Variants in KCNQ1 observed in about 807,000 individuals in gnomAD.
KCNQ1 encodes the protein potassium voltage-gated channel subfamily KQT member 1.
A neutral mutation model predicts 72.4 loss-of-function variants in KCNQ1; 49 were observed. The ratio of observed to expected loss-of-function variants is 0.68; its 90% CI spans 0.54 to 0.86. The LOEUF is 0.86. Ranked by LOEUF, KCNQ1 falls within the 40% of genes least tolerant of loss-of-function variation. KCNQ1 has a pLI of 0.00. For missense variants in KCNQ1, 790 were observed against 945.1 expected, an observed-to-expected ratio of 0.84 and a Z score of 2.15; for synonymous variants, 450 against 412.6, an observed-to-expected ratio of 1.09 and a Z score of -1.10.
chr11:2,772,086 G>C lies in KCNQ1; in HGVS notation c.1590+3167G>C, dbSNP rs1463500856. Among the ~76,000 whole-genome samples the C allele has an allele frequency of 6.6e-6, 1 of 152,194 alleles. No homozygotes were observed. The highest frequency in any genetic ancestry group is 1.5e-5 in the Non-Finnish European group (1 of 68,016). On this transcript the variant is annotated intron_variant, in intron 12 of 15. Coordinates refer to ENST00000155840, the MANE Select transcript of KCNQ1 (RefSeq NM_000218.3). This position sits in a 1 kb window ranked among gnomAD's most constrained non-coding sequence, Gnocchi z 6.6. ...CCGACCTCACCAGCTGGCTCTTATT[G>C]CTGGGAGCAGCATGGAGGGGTGGGG...
intron 1 of KCNQ1, among the ~76,000 whole-genome samples, chr11:2,505,667 A>T (rs191043592): frequency 6.6e-6 from 1 of 152,314 alleles, no homozygotes; most frequent in East Asian, 1.9e-4. Context: ...ATAAATGTTT[A>T]TAATGGTTAT....
At chr11:2,496,495 CTTTTTTTTT>C in intron 1 of KCNQ1, among the ~76,000 whole-genome samples, 12 of 29,830 alleles carry the variant, frequency 4.0e-4, no homozygotes, top group East Asian at 2.9e-3. Context: ...ACAACCCCTG[CTTTTTTTTT>C]TTTTTTTTTT....
At chr11:2,545,796 A>G (rs1041805080) in intron 2 of KCNQ1, among the ~76,000 whole-genome samples, 11 of 152,162 alleles carry the variant, frequency 7.2e-5, no homozygotes, top group Non-Finnish European at 2.9e-5. Context: ...TGTTAATTGT[A>G]TTGGCATAAA....
intron 2 of KCNQ1, among the ~76,000 whole-genome samples, chr11:2,548,774 G>T (rs1035390168): frequency 4.6e-5 from 7 of 152,202 alleles, no homozygotes; most frequent in African/African-American, 1.7e-4. Flanking sequence ...TGGCCTGGGG[G>T]TGCTTAGGCT....
chr11:2,760,020 C>A (rs1846364486), intron 11 of KCNQ1, among the ~76,000 whole-genome samples: 1 of 152,228 alleles, frequency 6.6e-6, no homozygotes, highest in Non-Finnish European at 1.5e-5. Context: ...CATGGGCAGC[C>A]CAGTCCGGGA....
At chr11:2,749,706 A>G (rs1846196183) in intron 11 of KCNQ1, among the ~76,000 whole-genome samples, 1 of 151,498 alleles carries the variant, frequency 6.6e-6, no homozygotes, top group South Asian at 2.1e-4. Flanking sequence ...CCAGCTACTC[A>G]GGAGGCTGAG....
intron 15 of KCNQ1, among the ~76,000 whole-genome samples, chr11:2,801,854 C>G (rs1490589975): frequency 6.6e-6 from 1 of 152,222 alleles, no homozygotes. Context: ...CCAGCAGTGA[C>G]AGGGATGGTG....
intron 15 of KCNQ1, among the ~76,000 whole-genome samples, chr11:2,811,103 T>A (rs1847477300): frequency 6.6e-6 from 1 of 152,078 alleles, no homozygotes; most frequent in Non-Finnish European, 1.5e-5. Context: ...GACCCTAGCG[T>A]CCCTTCACCC....
In KCNQ1 at chr11:2,752,452, G is replaced by T. The variant is rs1846241547; in HGVS notation, c.1515-16392G>T. On this transcript the variant is annotated intron_variant, in intron 11 of 15. Transcript: ENST00000155840. The surrounding 1 kb of genome is among the most constrained non-coding windows in gnomAD (Gnocchi z 5.2). ...CCTAGTGTCTTAATCTGTTCAGTCT[G>T]CTATAACCAAATACCTTAGACCTGG... Among the ~76,000 whole-genome samples, 1 of 152,108 alleles carries T rather than the reference G, an allele frequency of 6.6e-6. No homozygotes were observed. Among genetic ancestry groups the T allele is most frequent in the South Asian group, 2.1e-4 (1 of 4,816 alleles).
At chr11:2,648,052 A>G (rs1590003689) in intron 10 of KCNQ1, 1 of 95,852 alleles carries the variant, frequency 1.0e-5, no homozygotes, top group African/African-American at 4.8e-5. Context: ...CATCTCTACC[A>G]AAAAAAAAAA....
At chr11:2,523,183 TTTTAA>T (rs150878926) in intron 1 of KCNQ1, among the ~76,000 whole-genome samples, 7,513 of 151,912 alleles carry the variant, frequency 0.049, 223 homozygotes, top group Middle Eastern at 0.088. Flanking sequence ...CTGCTTTCTT[TTTTAA>T]TTTAATTTAA....
chr11:2,584,504 AGTGT>A lies in KCNQ1; in HGVS notation c.1033-701_1033-698del, dbSNP rs747562425. On this transcript the variant is annotated intron_variant, in intron 7 of 15. Transcript: ENST00000155840. ...GTTAGTGTGTGTTAGTATGTGGGTT[AGTGT>A]GTGTGTTTGTGTGTTAGTGTGTGTG... Among the ~76,000 whole-genome samples the A allele has an allele frequency of 2.2e-5, 3 of 133,962 alleles. No individual in the cohort carries two copies. In the East Asian group the frequency reaches 6.8e-4, roughly 30 times the overall value. The allele number at this position is 133,962 out of a possible 152,430, so 87.9% of individuals were successfully genotyped here.
chr11:2,484,232 C>T lies in KCNQ1; in HGVS notation c.386+38748C>T, dbSNP rs1846698110. 6.6e-6 allele frequency among the ~76,000 whole-genome samples: 1 copy of T among 152,106 alleles called. No homozygotes were observed. Among genetic ancestry groups the T allele is most frequent in the Non-Finnish European group, 1.5e-5 (1 of 68,010 alleles). ...AGGCTGGAGTGCAGTGGCATGATCT[C>T]GGCTCACTGAAACCTCTGCCTCCGG... On this transcript the variant is annotated intron_variant, in intron 1 of 15. Coordinates refer to ENST00000155840, the MANE Select transcript of KCNQ1 (RefSeq NM_000218.3). The surrounding 1 kb of genome is among the most constrained non-coding windows in gnomAD (Gnocchi z 5.2).
At position 2,670,297 on chromosome 11, in the gene KCNQ1, C is replaced by T. The variant is rs575710919; in HGVS notation, c.1514+8216C>T. The T allele has an allele frequency of 2.8e-4, 110 of 398,432 alleles. 1 individual carries two copies. In the South Asian group the frequency reaches 0.013, roughly 48 times the overall value. The allele number at this position is 398,432 out of a possible 1,614,324, so 24.7% of individuals were successfully genotyped here. Reference sequence around the variant, plus strand: ...TTGTCTCTAGGCAACCCATAGGTGCCCAATGGAGAGATAATCTCAAATATG... The same window carrying T: ...TTGTCTCTAGGCAACCCATAGGTGCTCAATGGAGAGATAATCTCAAATATG... On this transcript the variant is annotated intron_variant, in intron 11 of 15. Transcript: ENST00000155840. The surrounding 1 kb of genome is among the most constrained non-coding windows in gnomAD (Gnocchi z 4.9).
At chr11:2,513,690 C>T (rs777522796) in intron 1 of KCNQ1, among the ~76,000 whole-genome samples, 3 of 152,194 alleles carry the variant, frequency 2.0e-5, no homozygotes, top group Non-Finnish European at 2.9e-5. Flanking sequence ...TCTCTGCCTC[C>T]GCACCGGCCT....
In KCNQ1 at chr11:2,715,096, TG is replaced by T. The variant is rs1851069688; in HGVS notation, c.1514+53017del. ...CGGCGGTAATGCCACTGATGATACTTGGCGAGGATGACCGCAAGTGTCTTGA... is the reference window on the plus strand; with the variant it reads ...CGGCGGTAATGCCACTGATGATACTTGCGAGGATGACCGCAAGTGTCTTGA... On this transcript the variant is annotated intron_variant, in intron 11 of 15. Coordinates refer to ENST00000155840, the MANE Select transcript of KCNQ1 (RefSeq NM_000218.3). This position sits in a 1 kb window ranked among gnomAD's most constrained non-coding sequence, Gnocchi z 4.9. Among the ~76,000 whole-genome samples, 1 of 152,050 alleles carries T rather than the reference TG, an allele frequency of 6.6e-6. No individual in the cohort carries two copies. The highest frequency in any genetic ancestry group is 6.5e-5 in the Admixed American group (1 of 15,278).
chr11:2,640,928 T>C lies in KCNQ1; in HGVS notation c.1394-21033T>C, dbSNP rs1463425287. ...CACATATGATAATAACATAAGATAA[T>C]TATCTTTCTGTGCCTGGCTTAAAAT... On this transcript the variant is annotated intron_variant, in intron 10 of 15. Coordinates refer to ENST00000155840, the MANE Select transcript of KCNQ1 (RefSeq NM_000218.3). The C allele has an allele frequency of 7.5e-6, 3 of 399,210 alleles. No individual in the cohort carries two copies. In the Admixed American group the frequency reaches 1.3e-4, roughly 18 times the overall value. The allele number at this position is 399,210 out of a possible 1,614,324, so 24.7% of individuals were successfully genotyped here.
rs1348332206 is a variant in KCNQ1, at chr11:2,830,344, TG to T, written c.1795-17420del. On this transcript the variant is annotated intron_variant, in intron 15 of 15. Transcript: ENST00000155840. The surrounding 1 kb of genome is among the most constrained non-coding windows in gnomAD (Gnocchi z 7.7). ...TGACAGAGGGATCTGGGCTCTTCCC[TG>T]GGCAGGCATCCCAGAGCTATGACCT... Among the ~76,000 whole-genome samples the T allele has an allele frequency of 2.6e-5, 4 of 152,050 alleles. No individual in the cohort carries two copies. The highest frequency in any genetic ancestry group is 1.9e-4 in the East Asian group (1 of 5,174).
intron 14 of KCNQ1, chr11:2,777,619 C>T (rs2741950): frequency 0.34 from 192,929 of 571,262 alleles, 34,111 homozygotes; most frequent in South Asian, 0.5. Flanking sequence ...AACGGAGCAG[C>T]GGAATGGCTG....
Sources: allele counts gnomAD v4.1 joint callset (sites outside exome capture counted in the v4.1 genomes callset), GRCh38; gene constraint gnomAD v4.1.1; non-coding constraint Gnocchi (gnomAD v3.1); transcripts MANE v1.5; gene names NCBI Gene and HGNC (gene_info 2026-07-23, HGNC 2026-07-21).